The following TTC5 variants were observed in gnomAD, a reference collection of about 807,000 sequenced individuals.
TTC5 encodes tetratricopeptide repeat domain 5.
Under a neutral mutation model 57.4 loss-of-function variants are expected in TTC5, and 46 were observed. The observed-to-expected ratio is 0.80, with a 90% CI of 0.63 to 1.03. The LOEUF (loss-of-function observed/expected upper bound fraction) is 1.03, where lower values mean the gene tolerates loss of function less well. TTC5 is among the 50% of genes least tolerant of loss of function. The pLI is 0.00. For synonymous variants in TTC5, 190 were observed against 203.5 expected, an observed-to-expected ratio of 0.93 and a Z score of 0.57; for missense variants, 504 against 528.1, an observed-to-expected ratio of 0.95 and a Z score of 0.45.
rs1278899657 is a variant in TTC5, at chr14:20,288,537, TC to T, written c.*1089del. The T allele has an allele frequency of 6.6e-6, 1 of 152,252 alleles. No individual in the cohort carries two copies. Among genetic ancestry groups the T allele is most frequent in the African/African-American group, 2.4e-5 (1 of 41,448 alleles). 9.4% of individuals were successfully genotyped at this position (152,252 alleles called of 1,614,324 possible). A position where few individuals can be genotyped will look rare whatever the true frequency, so the allele number is the denominator to read the frequency against. ...GTTCAAGCAATTCTCTGCCTCAGCCTCCCCAGTAGCTGTGATTACAGGTGCC... is the reference window on the plus strand; with the variant it reads ...GTTCAAGCAATTCTCTGCCTCAGCCTCCCAGTAGCTGTGATTACAGGTGCC... On this transcript the variant is annotated 3_prime_UTR_variant, in exon 10 of 10. Coordinates refer to ENST00000258821, the MANE Select transcript of TTC5 (RefSeq NM_138376.3).
intron 3 of TTC5, chr14:20,300,273 A>C (rs1351112109): frequency 5.0e-6 from 1 of 199,232 alleles, no homozygotes; most frequent in East Asian, 1.4e-4. Flanking sequence ...TGCTAGGATT[A>C]CAGGTGTAAG....
chr14:20,304,498 A>C (rs1452905017), intron 1 of TTC5, among the ~76,000 whole-genome samples: 3 of 152,234 alleles, frequency 2.0e-5, no homozygotes, highest in Non-Finnish European at 2.9e-5. Flanking sequence ...AATGTCTTTA[A>C]CAATGAAATC....
intron 9 of TTC5, among the ~76,000 whole-genome samples, chr14:20,291,084 TTCTC>T (rs778248046): frequency 3.3e-5 from 5 of 152,132 alleles, no homozygotes; most frequent in Admixed American, 6.6e-5. Flanking sequence ...GAGGCAGACT[TTCTC>T]TATCACCCGG....
intron 8 of TTC5, 147 bp downstream of exon 8, chr14:20,295,165 A>G (rs895326809): frequency 1.3e-5 from 9 of 696,598 alleles, no homozygotes; most frequent in Non-Finnish European, 1.7e-5. Flanking sequence ...CACCCAGACA[A>G]TATCTGCCCA....
chr14:20,300,416 T>C, intron 3 of TTC5, 191 bp downstream of exon 3: 1 of 573,990 alleles, frequency 1.7e-6, no homozygotes, highest in Non-Finnish European at 3.0e-6. Flanking sequence ...GATCCCATCA[T>C]CATCTTCCTT....
intron 8 of TTC5, chr14:20,292,409 T>C (rs542571352): frequency 4.7e-4 from 86 of 183,568 alleles, no homozygotes; most frequent in African/African-American, 1.9e-3. Context: ...ATCAGTCACT[T>C]TGCTAAGAAC....
At chr14:20,299,080 TAC>T (rs1341395376) in intron 4 of TTC5, among the ~76,000 whole-genome samples, 192 bp from the exon 5 acceptor site, 1 of 152,184 alleles carries the variant, frequency 6.6e-6, no homozygotes, top group African/African-American at 2.4e-5. Context: ...GAACAGACTG[TAC>T]AAAAGCCCTT....
At chr14:20,295,665 T>TAA (rs746536231) in intron 7 of TTC5, 43 bp downstream of exon 7, 1,060 of 1,316,012 alleles carry the variant, frequency 8.1e-4, no homozygotes, top group South Asian at 1.2e-3. Flanking sequence ...CACGACAAAA[T>TAA]AAAAAAAAAA....
Position 20,291,971 on chromosome 14 carries a change from G to T in TTC5, c.1203+12C>A, listed in dbSNP as rs780548590. 4 of 1,557,222 alleles carry T rather than the reference G, an allele frequency of 2.6e-6. No homozygotes were observed. Among genetic ancestry groups the T allele is most frequent in the Non-Finnish European group, 2.6e-6 (3 of 1,154,438 alleles). Reference sequence around the variant, plus strand: ...GCCTACGAGTTGTAAGAGAATCCTAGCCATTGCTCACCTTTCCTTTGTGCT... The same window carrying T: ...GCCTACGAGTTGTAAGAGAATCCTATCCATTGCTCACCTTTCCTTTGTGCT... On this transcript the variant is annotated intron_variant, in intron 9 of 9. Transcript: ENST00000258821.
At position 20,286,555 on chromosome 14, in the gene TTC5, A is replaced by T. The variant is rs1480089634; in HGVS notation, c.*3072T>A. The T allele has an allele frequency of 6.6e-6, 1 of 152,162 alleles. No homozygotes were observed. Among genetic ancestry groups the T allele is most frequent in the African/African-American group, 2.4e-5 (1 of 41,454 alleles). The allele number at this position is 152,162 out of a possible 1,614,324, so 9.4% of individuals were successfully genotyped here. On this transcript the variant is annotated 3_prime_UTR_variant, in exon 10 of 10. Coordinates refer to ENST00000258821, the MANE Select transcript of TTC5 (RefSeq NM_138376.3). ...TCATTATGAAAAAAATTATATCCGT[A>T]CATAACATAAAATAAAGTCATACTG...
intron 1 of TTC5, among the ~76,000 whole-genome samples, chr14:20,303,504 A>G (rs893276078): frequency 6.6e-6 from 1 of 152,176 alleles, no homozygotes; most frequent in African/African-American, 2.4e-5. Context: ...GTAATCAACA[A>G]TCTTCACAAC....
At chr14:20,300,486 CTGA>C in intron 3 of TTC5, 118 bp downstream of exon 3, 2 of 866,696 alleles carry the variant, frequency 2.3e-6, no homozygotes, top group Non-Finnish European at 3.5e-6. Context: ...TTCCTCCCTC[CTGA>C]TTCTGTCCTA....
chr14:20,300,365 A>G (rs916679601), intron 3 of TTC5: 13 of 481,492 alleles, frequency 2.7e-5, no homozygotes, highest in Non-Finnish European at 4.4e-5. Flanking sequence ...GGATCAGCTT[A>G]GCTGCTAGCT....
chr14:20,289,363 T>C lies in TTC5; in HGVS notation c.*264A>G. ...GGCAAGATCCCAAGACTTCTACCAATTCCATGCTCTTTGCTTAAAACATAG... is the reference window on the plus strand; with the variant it reads ...GGCAAGATCCCAAGACTTCTACCAACTCCATGCTCTTTGCTTAAAACATAG... On this transcript the variant is annotated 3_prime_UTR_variant, in exon 10 of 10. Transcript: ENST00000258821. The C allele has an allele frequency of 3.4e-6, 1 of 291,458 alleles. No homozygotes were observed. The highest frequency in any genetic ancestry group is 2.1e-5 in the African/African-American group (1 of 47,458). 18.1% of individuals were successfully genotyped at this position (291,458 alleles called of 1,614,324 possible). A position where few individuals can be genotyped will look rare whatever the true frequency, so the allele number is the denominator to read the frequency against.
rs371440415 is a variant in TTC5, at chr14:20,295,669, A to G, written c.843+39T>C. The G allele has an allele frequency of 2.5e-6, 4 of 1,570,488 alleles. No homozygotes were observed. The Admixed American group carries it at 6.2e-5, about 25-fold the overall frequency. ...TTTTATTGACCCACGACAAAATAAA[A>G]AAAAAAAAAGTGGAATTCAGCCCTT... is the stretch of plus-strand genomic sequence containing the variant. On this transcript the variant is annotated intron_variant, in intron 7 of 9. Transcript: ENST00000258821.
chr14:20,293,183 G>A (rs552150011), intron 8 of TTC5: 1 of 152,328 alleles, frequency 6.6e-6, no homozygotes, highest in African/African-American at 2.4e-5. Context: ...AGACTGATAT[G>A]TAATAAGCTA....
At chr14:20,304,086 G>T (rs919362928) in intron 1 of TTC5, among the ~76,000 whole-genome samples, 7 of 151,998 alleles carry the variant, frequency 4.6e-5, no homozygotes, top group African/African-American at 1.7e-4. Flanking sequence ...ATCATTAATT[G>T]TCTATTGTCT....
rs917146944 is a variant in TTC5 at position 20,289,572 on chromosome 14, T to C, written c.*55A>G. The C allele has an allele frequency of 4.5e-6, 7 of 1,554,526 alleles. No individual in the cohort carries two copies. The highest frequency in any genetic ancestry group is 2.7e-5 in the African/African-American group (2 of 73,166). On this transcript the variant is annotated 3_prime_UTR_variant, in exon 10 of 10. Coordinates refer to ENST00000258821, the MANE Select transcript of TTC5 (RefSeq NM_138376.3). ...AATCACTGGATGTGGCTGGACCGGC[T>C]GTCCAGAGCCTTGTCTCCTCTCCTC...
In TTC5 at chr14:20,289,534, C is replaced by G. The variant is rs1881909156; in HGVS notation, c.*93G>C. The G allele has an allele frequency of 1.4e-6, 2 of 1,452,100 alleles. No homozygotes were observed. Among genetic ancestry groups the G allele is most frequent in the Non-Finnish European group, 1.9e-6 (2 of 1,080,202 alleles). The allele number at this position is 1,452,100 out of a possible 1,614,324, so 90.0% of individuals were successfully genotyped here. On this transcript the variant is annotated 3_prime_UTR_variant, in exon 10 of 10. Coordinates refer to ENST00000258821, the MANE Select transcript of TTC5 (RefSeq NM_138376.3). ...GAAAGTCTTCATTTAAAACATTCCTCCCATCCCTGCTGAATCACTGGATGT... is the reference window on the plus strand; with the variant it reads ...GAAAGTCTTCATTTAAAACATTCCTGCCATCCCTGCTGAATCACTGGATGT...
Sources: gnomAD v4.1 joint callset for allele counts (sites outside exome capture counted in the v4.1 genomes callset) on GRCh38, gnomAD v4.1.1 for gene constraint, MANE v1.5 for transcripts, NCBI Gene and HGNC (gene_info 2026-07-23, HGNC 2026-07-21) for gene names.